CCDC148: variants seen among roughly 807,000 people sequenced by gnomAD.
The protein encoded by CCDC148 is coiled-coil domain-containing protein 148.
A neutral mutation model predicts 85.7 loss-of-function variants in CCDC148; 89 were observed. The observed-to-expected ratio is 1.04, with a 90% CI of 0.87 to 1.24. CCDC148 has a LOEUF of 1.24. Ranked by LOEUF, CCDC148 falls within the 50% of genes most tolerant of loss-of-function variation. The probability of loss-of-function intolerance (pLI) is 0.00; values close to 1 mark genes in which losing one functional copy is unlikely to be tolerated. For missense variants in CCDC148, 692 were observed against 671.7 expected, an observed-to-expected ratio of 1.03 and a Z score of -0.33; for synonymous variants, 230 against 213.9, an observed-to-expected ratio of 1.08 and a Z score of -0.66.
At chr2:158,437,276 A>G (rs1321255739) in intron 1 of CCDC148, among the ~76,000 whole-genome samples, 1 of 152,214 alleles carries the variant, frequency 6.6e-6, no homozygotes, top group African/African-American at 2.4e-5. Context: ...AAGCTTATCC[A>G]CCATGATCAA....
rs980888426 is a variant in CCDC148, at chr2:158,284,251, T to C, written c.1110+25182A>G. Among the ~76,000 whole-genome samples, 6 of 151,944 alleles carry C rather than the reference T, an allele frequency of 3.9e-5. No homozygotes were observed. The East Asian group carries it at 9.7e-4, about 24-fold the overall frequency. ...GTAACTAACCTGCACATTGTGCACATGTACCCTAAAACTTAAAGTATAATA... is the reference window on the plus strand; with the variant it reads ...GTAACTAACCTGCACATTGTGCACACGTACCCTAAAACTTAAAGTATAATA... On this transcript the variant is annotated intron_variant, in intron 9 of 13. Transcript: ENST00000283233.
chr2:158,404,249 A>AG (rs1379904145), intron 1 of CCDC148, among the ~76,000 whole-genome samples: 1 of 152,122 alleles, frequency 6.6e-6, no homozygotes, highest in Non-Finnish European at 1.5e-5. Flanking sequence ...TATAATGGCA[A>AG]GGATGGAAGC....
At chr2:158,348,433 T>A (rs574823632) in intron 2 of CCDC148, among the ~76,000 whole-genome samples, 54 of 122,508 alleles carry the variant, frequency 4.4e-4, no homozygotes, top group Admixed American at 3.1e-3. Flanking sequence ...GAGGAGCAAA[T>A]CTACAAAAAA....
chr2:158,435,555 A>C (rs1439593164), intron 1 of CCDC148, among the ~76,000 whole-genome samples: 1 of 152,240 alleles, frequency 6.6e-6, no homozygotes, highest in Non-Finnish European at 1.5e-5. Flanking sequence ...AATGCTAGGA[A>C]GAAACTGTAT....
At chr2:158,356,984 A>T (rs1343591783) in intron 2 of CCDC148, among the ~76,000 whole-genome samples, 11 of 150,238 alleles carry the variant, frequency 7.3e-5, no homozygotes, top group African/African-American at 2.7e-4. Flanking sequence ...CGCAAGAACA[A>T]AAAACCAAAC....
At chr2:158,304,418 C>T (rs1040186159) in intron 9 of CCDC148, among the ~76,000 whole-genome samples, 2 of 152,128 alleles carry the variant, frequency 1.3e-5, no homozygotes, top group African/African-American at 4.8e-5. Context: ...GGGTCATGCT[C>T]ATTTACCTTT....
intron 10 of CCDC148, among the ~76,000 whole-genome samples, chr2:158,249,194 A>C (rs1046062219): frequency 7.2e-5 from 11 of 152,148 alleles, no homozygotes; most frequent in Non-Finnish European, 5.9e-5. Context: ...ACTGTTTCCA[A>C]ATCTCTTCAT....
chr2:158,386,406 T>C (rs1685088637), intron 1 of CCDC148, among the ~76,000 whole-genome samples: 1 of 152,160 alleles, frequency 6.6e-6, no homozygotes, highest in South Asian at 2.1e-4. Flanking sequence ...TAGTCTACTT[T>C]AACACCTACT....
At chr2:158,418,376 G>A (rs933102821) in intron 1 of CCDC148, among the ~76,000 whole-genome samples, 5 of 152,140 alleles carry the variant, frequency 3.3e-5, no homozygotes, top group Non-Finnish European at 7.4e-5. Context: ...AATAATATCA[G>A]TAATGTCATT....
chr2:158,194,401 A>C (rs1685567225), intron 11 of CCDC148, among the ~76,000 whole-genome samples: 1 of 152,182 alleles, frequency 6.6e-6, no homozygotes, highest in South Asian at 2.1e-4. Context: ...GGAACTACTG[A>C]AACTCTGTGC....
chr2:158,453,220 A>T (rs1264376396), intron 1 of CCDC148, among the ~76,000 whole-genome samples: 2 of 152,246 alleles, frequency 1.3e-5, no homozygotes, highest in African/African-American at 2.4e-5. Context: ...TCACACAAAA[A>T]TAACCACACC....
intron 11 of CCDC148, among the ~76,000 whole-genome samples, chr2:158,187,367 G>A (rs1217336241): frequency 6.6e-6 from 1 of 151,768 alleles, no homozygotes; most frequent in Non-Finnish European, 1.5e-5. Flanking sequence ...TTATTCAAAT[G>A]GGGTGGAGGG....
At chr2:158,343,024 T>G (rs535772230) in intron 3 of CCDC148, among the ~76,000 whole-genome samples, 1 of 152,324 alleles carries the variant, frequency 6.6e-6, no homozygotes, top group East Asian at 1.9e-4. Flanking sequence ...TTTGCTGTTT[T>G]TAGACATGGG....
intron 11 of CCDC148, among the ~76,000 whole-genome samples, chr2:158,215,265 G>C (rs180725170): frequency 2.6e-5 from 4 of 152,216 alleles, no homozygotes; most frequent in Admixed American, 2.6e-4. Context: ...GTTCCAGATG[G>C]CTACAGAACT....
At chr2:158,227,476 C>G (rs541275685) in intron 10 of CCDC148, among the ~76,000 whole-genome samples, 1 of 152,070 alleles carries the variant, frequency 6.6e-6, no homozygotes, top group African/African-American at 2.4e-5. Flanking sequence ...CATATGGAAC[C>G]AAAAAAGAGC....
At chr2:158,425,243 G>C (rs937633809) in intron 1 of CCDC148, 10 of 538,392 alleles carry the variant, frequency 1.9e-5, no homozygotes, top group South Asian at 8.3e-5. Flanking sequence ...GTGGCCAAGA[G>C]AGCACTTATG....
At chr2:158,269,744 G>A (rs1277318650) in intron 9 of CCDC148, among the ~76,000 whole-genome samples, 1 of 152,078 alleles carries the variant, frequency 6.6e-6, no homozygotes, top group Non-Finnish European at 1.5e-5. Context: ...CCTTGGAATG[G>A]CTTTTCCTCC....
intron 1 of CCDC148, among the ~76,000 whole-genome samples, chr2:158,358,937 T>C (rs987529225): frequency 5.5e-4 from 84 of 152,248 alleles, no homozygotes; most frequent in African/African-American, 1.9e-3. Flanking sequence ...GAATATTAAG[T>C]ATCACATCAT....
At chr2:158,404,727 C>A (rs1685927937) in intron 1 of CCDC148, among the ~76,000 whole-genome samples, 1 of 152,110 alleles carries the variant, frequency 6.6e-6, no homozygotes, top group South Asian at 2.1e-4. Flanking sequence ...TTATCCAAAT[C>A]ATCAAGCCAG....
Sources: allele counts gnomAD v4.1 joint callset (sites outside exome capture counted in the v4.1 genomes callset), GRCh38; gene constraint gnomAD v4.1.1; transcripts MANE v1.5; gene names NCBI Gene and HGNC (gene_info 2026-07-23, HGNC 2026-07-21).